The following HGF variants were observed in gnomAD, a reference collection of about 807,000 sequenced individuals.
HGF encodes the protein hepatocyte growth factor.
A neutral mutation model predicts 111.6 loss-of-function variants in HGF; 39 were observed. That is an observed-to-expected ratio of 0.35 (90% CI 0.27 to 0.46). The LOEUF (loss-of-function observed/expected upper bound fraction) is 0.46. Ranked by LOEUF, HGF falls within the 20% of genes least tolerant of loss-of-function variation. HGF has a pLI of 1.00. For missense variants in HGF, 735 were observed against 910.5 expected (o/e 0.81, Z 2.48); for synonymous variants, 285 against 294.8 (o/e 0.97, Z 0.34).
intron 10 of HGF, among the ~76,000 whole-genome samples, chr7:81,719,756 T>C (rs1789805621): frequency 6.6e-6 from 1 of 152,208 alleles, no homozygotes; most frequent in South Asian, 2.1e-4. Context: ...TATCCTTTTG[T>C]GTGAAGTAAA....
chr7:81,758,082 C>A (rs965507812), intron 3 of HGF, among the ~76,000 whole-genome samples: 1 of 151,960 alleles, frequency 6.6e-6, no homozygotes, highest in Non-Finnish European at 1.5e-5. Context: ...GTTTAACATT[C>A]TTCAATTATT....
At chr7:81,765,673 A>C (rs1056311343) in intron 1 of HGF, among the ~76,000 whole-genome samples, 5 of 152,202 alleles carry the variant, frequency 3.3e-5, no homozygotes, top group African/African-American at 1.2e-4. Flanking sequence ...ACACATCTAT[A>C]AAATTAATTC....
chr7:81,733,607 AC>A (rs1254682283), intron 7 of HGF, among the ~76,000 whole-genome samples: 1 of 152,084 alleles, frequency 6.6e-6, no homozygotes, highest in Non-Finnish European at 1.5e-5. Context: ...GCTAGAAGTC[AC>A]CCCATAAATA....
At chr7:81,748,360 C>T (rs1788360586) in intron 5 of HGF, among the ~76,000 whole-genome samples, 1 of 152,166 alleles carries the variant, frequency 6.6e-6, no homozygotes, top group Non-Finnish European at 1.5e-5. Context: ...CTAGATTGGA[C>T]ACCTTATCCA....
intron 8 of HGF, 86 bp from the exon 9 acceptor site, chr7:81,726,103 T>TA: frequency 7.7e-7 from 1 of 1,293,264 alleles, no homozygotes; most frequent in South Asian, 1.2e-5. Flanking sequence ...AATTCTAGAA[T>TA]GTATGCATGT....
intron 4 of HGF, among the ~76,000 whole-genome samples, chr7:81,752,704 A>G (rs558435481): frequency 6.6e-6 from 1 of 152,192 alleles, no homozygotes; most frequent in Non-Finnish European, 1.5e-5. Flanking sequence ...TTTCTTATAA[A>G]TAGCCCCCTT....
At position 81,701,889 on chromosome 7, in the gene HGF, T is replaced by G. The variant is rs1789288784; in HGVS notation, c.*692A>C. 6.4e-6 allele frequency: 1 copy of G among 155,166 alleles called. No homozygotes were observed. The highest frequency in any genetic ancestry group is 1.4e-5 in the Non-Finnish European group (1 of 69,888). The allele number at this position is 155,166 out of a possible 1,614,324, so 9.6% of individuals were successfully genotyped here. A position where few individuals can be genotyped will look rare whatever the true frequency, so the allele number is the denominator to read the frequency against. ...GCTAATCATTTTGATCTTGCATCATTTTTTAATATTTCTACTGGTCTTTAG... is the reference window on the plus strand; with the variant it reads ...GCTAATCATTTTGATCTTGCATCATGTTTTAATATTTCTACTGGTCTTTAG... On this transcript the variant is annotated 3_prime_UTR_variant, in exon 18 of 18. Transcript: ENST00000222390.
rs372366408 is a variant in HGF at position 81,702,673 on chromosome 7, T to C, written c.2095A>G (p.Ile699Val). ...GVIVPGRGCA[I>V]PNRPGIFVRV... is the part of the protein sequence containing the mutation. ...ACAAAAATACCAGGACGATTTGGAA[T>C]GGCACATCCACGACCAGGAACAATG... Residue 699 changes from isoleucine (I) to valine (V), a missense_variant, in exon 18 of 18, where the codon ATT becomes GTT. Transcript: ENST00000222390. 18 of 1,611,784 alleles carry C rather than the reference T, an allele frequency of 1.1e-5. No homozygotes were observed. The South Asian group carries it at 2.0e-4, about 18-fold the overall frequency.
chr7:81,746,304 G>A (rs145423737), intron 5 of HGF, among the ~76,000 whole-genome samples: 3 of 152,174 alleles, frequency 2.0e-5, no homozygotes, highest in African/African-American at 7.2e-5. Flanking sequence ...ATTTGATACT[G>A]AGATTTTCCA....
intron 7 of HGF, among the ~76,000 whole-genome samples, chr7:81,733,875 C>T (rs1787743845): frequency 6.6e-6 from 1 of 152,046 alleles, no homozygotes; most frequent in Non-Finnish European, 1.5e-5. Flanking sequence ...TCCTCGATGG[C>T]AGTAAAACAA....
At chr7:81,742,174 T>G (rs1788034537) in intron 7 of HGF, among the ~76,000 whole-genome samples, 1 of 152,182 alleles carries the variant, frequency 6.6e-6, no homozygotes, top group South Asian at 2.1e-4. Flanking sequence ...TGGAACACAG[T>G]GTTTTACTCT....
intron 17 of HGF, among the ~76,000 whole-genome samples, chr7:81,705,142 C>T (rs569191518): frequency 2.0e-5 from 3 of 148,304 alleles, no homozygotes; most frequent in South Asian, 2.1e-4. Flanking sequence ...CTTGGAGTTC[C>T]GGCTCTACAC....
chr7:81,746,898 A>G (rs1788280243), intron 5 of HGF, among the ~76,000 whole-genome samples: 2 of 152,162 alleles, frequency 1.3e-5, no homozygotes, highest in African/African-American at 4.8e-5. Context: ...GAATGTGTGC[A>G]AAAACCTCCT....
chr7:81,747,543 T>C (rs1443098081), intron 5 of HGF, among the ~76,000 whole-genome samples: 1 of 152,130 alleles, frequency 6.6e-6, no homozygotes, highest in Non-Finnish European at 1.5e-5. Context: ...AATAAATAAA[T>C]AAAAGTTAGC....
chr7:81,707,954 A>G (rs775265613), intron 13 of HGF, among the ~76,000 whole-genome samples: 3 of 152,164 alleles, frequency 2.0e-5, no homozygotes, highest in Admixed American at 6.6e-5. Context: ...AAGTAAAACA[A>G]TTTTGCAAGG....
rs1055755357 is a variant in HGF at position 81,718,658 on chromosome 7, T to C, written c.1272-1293A>G. Among the ~76,000 whole-genome samples, 7 of 152,314 alleles carry C rather than the reference T, an allele frequency of 4.6e-5. No individual in the cohort carries two copies. The South Asian group carries it at 1.2e-3, about 27-fold the overall frequency. ...AAATAAATATATCACATATTTTCAGTGGTATGCTGGTAAAAGTTTACCAAC... is the reference window on the plus strand; with the variant it reads ...AAATAAATATATCACATATTTTCAGCGGTATGCTGGTAAAAGTTTACCAAC... On this transcript the variant is annotated intron_variant, in intron 10 of 17. Transcript: ENST00000222390.
At chr7:81,706,526 A>C in intron 14 of HGF, 99 bp from the exon 15 acceptor site, 1 of 960,960 alleles carries the variant, frequency 1.0e-6, no homozygotes, top group Non-Finnish European at 1.6e-6. Context: ...AAGGCACATA[A>C]CCTAAATTTA....
At chr7:81,707,004 A>C (rs181827148) in intron 14 of HGF, among the ~76,000 whole-genome samples, 121 of 152,138 alleles carry the variant, frequency 8.0e-4, no homozygotes, top group African/African-American at 2.9e-3. Context: ...CTAGAAATAC[A>C]GGGTACAAGT....
intron 4 of HGF, chr7:81,756,200 CA>C (rs1210998420): frequency 1.7e-6 from 1 of 575,872 alleles, no homozygotes; most frequent in African/African-American, 1.9e-5. Flanking sequence ...TTGTGCATGA[CA>C]CTGAAAACTT....
Sources: gnomAD v4.1 joint callset for allele counts (sites outside exome capture counted in the v4.1 genomes callset) on GRCh38, gnomAD v4.1.1 for gene constraint, MANE v1.5 for transcripts, NCBI Gene and HGNC (gene_info 2026-07-23, HGNC 2026-07-21) for gene names.